The following SLC1A3 variants were observed in gnomAD, a reference collection of about 807,000 sequenced individuals.
SLC1A3 encodes the protein solute carrier family 1 member 3, also known as excitatory amino acid transporter 1.
In SLC1A3, 21 loss-of-function variants were observed where a neutral mutation model predicts 48.1. The ratio of observed to expected loss-of-function variants is 0.44; its 90% CI spans 0.31 to 0.63. The LOEUF is 0.63. SLC1A3 is among the 20% of genes least tolerant of loss of function. The pLI is 0.08. For missense variants in SLC1A3, 546 were observed against 689.0 expected (o/e 0.79, Z 2.32); for synonymous variants, 239 against 251.4 (o/e 0.95, Z 0.47).
intron 3 of SLC1A3, among the ~76,000 whole-genome samples, chr5:36,631,527 G>C (rs1396388063): frequency 6.6e-6 from 1 of 152,108 alleles, no homozygotes; most frequent in Non-Finnish European, 1.5e-5. Flanking sequence ...AAAGAGAAAA[G>C]AATTATAAGC....
chr5:36,685,214 A>G (rs1742596923), intron 9 of SLC1A3, among the ~76,000 whole-genome samples: 2 of 152,242 alleles, frequency 1.3e-5, no homozygotes, highest in Admixed American at 6.5e-5. Flanking sequence ...AAAAGGTTAT[A>G]TATGCTAACA....
intron 4 of SLC1A3, among the ~76,000 whole-genome samples, chr5:36,672,348 A>G (rs1027444416): frequency 6.6e-6 from 1 of 152,200 alleles, no homozygotes; most frequent in Non-Finnish European, 1.5e-5. Flanking sequence ...GGGCATAGAC[A>G]GAGTGGAGAG....
At chr5:36,604,349 G>A (rs1395438709), upstream of SLC1A3, among the ~76,000 whole-genome samples, 2 of 138,720 alleles carry the variant, frequency 1.4e-5, no homozygotes, top group African/African-American at 5.9e-5. Flanking sequence ...GAAAAAAAAA[G>A]ATGTTTTAAA....
chr5:36,676,830 G>C, intron 5 of SLC1A3, 62 bp from the exon 6 acceptor site: 1 of 1,326,586 alleles, frequency 7.5e-7, no homozygotes, highest in Non-Finnish European at 1.0e-6. Flanking sequence ...TTTGACAATA[G>C]GAAAATATAA....
chr5:36,619,991 T>G (rs1459314204), intron 2 of SLC1A3, among the ~76,000 whole-genome samples: 1 of 152,180 alleles, frequency 6.6e-6, no homozygotes, highest in Non-Finnish European at 1.5e-5. Context: ...CCCATTCCAA[T>G]TGATCTCTCT....
intron 4 of SLC1A3, among the ~76,000 whole-genome samples, chr5:36,672,590 C>T (rs7728030): frequency 0.031 from 4,649 of 152,092 alleles, 263 homozygotes; most frequent in African/African-American, 0.11. Flanking sequence ...TATGCCATCT[C>T]AAGGAATGGG....
At chr5:36,685,082 A>C (rs899385113) in intron 9 of SLC1A3, among the ~76,000 whole-genome samples, 1 of 152,234 alleles carries the variant, frequency 6.6e-6, no homozygotes, top group Non-Finnish European at 1.5e-5. Context: ...GTATCTATTC[A>C]TATTTATCAT....
chr5:36,678,167 G>A (rs1223864503), intron 6 of SLC1A3, among the ~76,000 whole-genome samples: 1 of 152,150 alleles, frequency 6.6e-6, no homozygotes, highest in Admixed American at 6.5e-5. Flanking sequence ...CCATTGCTAA[G>A]AAAAGTACTC....
At chr5:36,622,003 G>A (rs763298437) in intron 2 of SLC1A3, among the ~76,000 whole-genome samples, 1 of 152,228 alleles carries the variant, frequency 6.6e-6, no homozygotes, top group Admixed American at 6.5e-5. Context: ...TATCCTAACT[G>A]TGAAATGGCA....
At position 36,686,459 on chromosome 5, in the gene SLC1A3, C is replaced by CCACAATTGAAA; in HGVS notation, c.*191_*201dup. The CCACAATTGAAA allele has an allele frequency of 1.7e-6, 1 of 604,340 alleles. No homozygotes were observed. Among genetic ancestry groups the CCACAATTGAAA allele is most frequent in the African/African-American group, 1.9e-5 (1 of 53,938 alleles). The allele number at this position is 604,340 out of a possible 1,614,324, so 37.4% of individuals were successfully genotyped here. ...GTGGCCAAAGTGTACAATTTTCATC[C>CCACAATTGAAA]CACAATTGAAATTTTTAAATCATTT... On this transcript the variant is annotated 3_prime_UTR_variant, in exon 10 of 10. Transcript: ENST00000265113.
At chr5:36,622,141 G>C (rs895639398) in intron 2 of SLC1A3, among the ~76,000 whole-genome samples, 2 of 152,154 alleles carry the variant, frequency 1.3e-5, no homozygotes, top group Admixed American at 6.5e-5. Flanking sequence ...CTGGGCAATG[G>C]GTATGAATGC....
intron 3 of SLC1A3, among the ~76,000 whole-genome samples, chr5:36,637,356 T>C (rs1394567569): frequency 1.3e-5 from 2 of 152,196 alleles, no homozygotes; most frequent in African/African-American, 2.4e-5. Context: ...TGTTCTTCAA[T>C]TAAAAGATCA....
chr5:36,609,405 T>C (rs1428974), intron 2 of SLC1A3: 7,687 of 273,484 alleles, frequency 0.028, 639 homozygotes, highest in African/African-American at 0.17. Flanking sequence ...AATCCTTAGA[T>C]TGACAAACAT....
intron 2 of SLC1A3, among the ~76,000 whole-genome samples, chr5:36,610,084 A>T (rs994494124): frequency 2.0e-5 from 3 of 152,192 alleles, no homozygotes; most frequent in Non-Finnish European, 2.9e-5. Context: ...GATGAAACTG[A>T]CTGTGGAGAG....
intron 1 of SLC1A3, among the ~76,000 whole-genome samples, chr5:36,598,602 C>G (rs779426803): frequency 6.6e-6 from 1 of 152,102 alleles, no homozygotes; most frequent in Non-Finnish European, 1.5e-5. Flanking sequence ...TTAGAATTTT[C>G]TACTAGTTAC....
chr5:36,639,642 C>T (rs1740533273), intron 3 of SLC1A3, among the ~76,000 whole-genome samples: 1 of 152,168 alleles, frequency 6.6e-6, no homozygotes, highest in African/African-American at 2.4e-5. Flanking sequence ...TGCTAAATTA[C>T]CTCCCAAAAT....
chr5:36,634,361 C>A (rs1740255525), intron 3 of SLC1A3, among the ~76,000 whole-genome samples: 1 of 151,856 alleles, frequency 6.6e-6, no homozygotes, highest in Admixed American at 6.6e-5. Context: ...ACATTAGTAC[C>A]AAAATAAGAC....
chr5:36,598,804 T>C (rs1021815539), intron 1 of SLC1A3, among the ~76,000 whole-genome samples: 1 of 152,172 alleles, frequency 6.6e-6, no homozygotes, highest in African/African-American at 2.4e-5. Flanking sequence ...GTATTTTTTA[T>C]AGAGACTGGG....
chr5:36,685,942 C>A, intron 9 of SLC1A3, 123 bp from the exon 10 acceptor site: 1 of 754,182 alleles, frequency 1.3e-6, no homozygotes, highest in Non-Finnish European at 2.4e-6. Flanking sequence ...CGTAATCTTG[C>A]AGTTGGTAGA....
Sources: gnomAD v4.1 joint callset for allele counts (sites outside exome capture counted in the v4.1 genomes callset) on GRCh38, gnomAD v4.1.1 for gene constraint, MANE v1.5 for transcripts, NCBI Gene and HGNC (gene_info 2026-07-23, HGNC 2026-07-21) for gene names.